ADCYAP1R1: variants seen among roughly 807,000 people sequenced by gnomAD.
ADCYAP1R1 encodes ADCYAP receptor type I.
In ADCYAP1R1, 44 loss-of-function variants were observed where a neutral mutation model predicts 67.6. The ratio of observed to expected loss-of-function variants is 0.65; its 90% confidence interval spans 0.51 to 0.84. The LOEUF is 0.84. ADCYAP1R1 is among the 40% of genes least tolerant of loss of function. ADCYAP1R1 has a pLI of 0.00. For missense variants in ADCYAP1R1, 477 were observed against 587.9 expected, an observed-to-expected ratio of 0.81 and a Z score of 1.95; for synonymous variants, 222 against 219.6, an observed-to-expected ratio of 1.01 and a Z score of -0.10.
rs372202268 is a variant in ADCYAP1R1 at position 31,106,642 on chromosome 7, A to C, written c.1365A>C (p.Gln455His). ...CCATCCTGAGCAAGAGCAGCTCCCA[A>C]ATCCGCATGTCTGGCCTCCCTGCTG... ...QLSILSKSSS[Q>H]IRMSGLPADN... The change falls in exon 16 of 16, where the codon CAA (glutamine) becomes CAC (histidine). Residue 455 changes from glutamine to histidine, a missense_variant. Transcript: ENST00000304166. 6.2e-7 allele frequency: 1 copy of C among 1,612,862 alleles called. No homozygotes were observed. Among genetic ancestry groups the C allele is most frequent in the Non-Finnish European group, 8.5e-7 (1 of 1,179,342 alleles).
At position 31,070,987 on chromosome 7, in the gene ADCYAP1R1, A is replaced by G. The variant is rs144576150; in HGVS notation, c.157+6051A>G. On this transcript the variant is annotated intron_variant, in intron 3 of 15. Transcript: ENST00000304166. ...GATCCTCATTTCATGGAACAGAAACATTGGCCATAAAGTAAATTTCGGTAA... is the reference window on the plus strand; with the variant it reads ...GATCCTCATTTCATGGAACAGAAACGTTGGCCATAAAGTAAATTTCGGTAA... 4.0e-3 allele frequency among the ~76,000 whole-genome samples: 604 copies of G among 152,306 alleles called. 4 individuals carry two copies. Among genetic ancestry groups the G allele is most frequent in the African/African-American group, 0.014 (590 of 41,556 alleles).
intron 3 of ADCYAP1R1, among the ~76,000 whole-genome samples, chr7:31,066,567 TG>T (rs1264476750): frequency 5.3e-5 from 8 of 149,850 alleles, no homozygotes; most frequent in African/African-American, 1.9e-4. Context: ...GAGTTCTTTG[TG>T]GGAAGGATTC....
chr7:31,091,978 G>GT (rs1321979376), intron 12 of ADCYAP1R1, among the ~76,000 whole-genome samples: 1 of 150,408 alleles, frequency 6.6e-6, no homozygotes, highest in African/African-American at 2.4e-5. Flanking sequence ...AGTATTTATT[G>GT]TTTTTTTAAT....
chr7:31,108,176 T>G lies in ADCYAP1R1; in HGVS notation c.*1492T>G, dbSNP rs1240150835. 1 of 152,226 alleles carries G rather than the reference T, an allele frequency of 6.6e-6. No homozygotes were observed. The highest frequency in any genetic ancestry group is 2.4e-5 in the African/African-American group (1 of 41,458). The allele number at this position is 152,226 out of a possible 1,614,324, so 9.4% of individuals were successfully genotyped here. A position where few individuals can be genotyped will look rare whatever the true frequency, so the allele number is the denominator to read the frequency against. On this transcript the variant is annotated 3_prime_UTR_variant, in exon 16 of 16. Transcript: ENST00000304166. ...TGGAGGAGGATGTTACTTCATTTTA[T>G]AAAGAGGAAGGGGCCTGGGAGACTT...
chr7:31,108,552 A>G lies in ADCYAP1R1; in HGVS notation c.*1868A>G, dbSNP rs376534431. ...CCTAGGGTTCAGGGAACTAGACTCT[A>G]TCCCAGTTGGGTTCAGACTGCTGTG... On this transcript the variant is annotated 3_prime_UTR_variant, in exon 16 of 16. Transcript: ENST00000304166. 2 of 152,208 alleles carry G rather than the reference A, an allele frequency of 1.3e-5. No homozygotes were observed. The highest frequency in any genetic ancestry group is 2.1e-4 in the South Asian group (1 of 4,832). 9.4% of individuals were successfully genotyped at this position (152,208 alleles called of 1,614,324 possible).
chr7:31,100,275 T>G (rs1796385619), intron 13 of ADCYAP1R1: 2 of 1,467,674 alleles, frequency 1.4e-6, no homozygotes, highest in African/African-American at 2.8e-5. Flanking sequence ...ATGCTGCCAC[T>G]GCCGCTGCTG....
At chr7:31,088,598 C>T (rs1205595536) in intron 12 of ADCYAP1R1, among the ~76,000 whole-genome samples, 1 of 152,178 alleles carries the variant, frequency 6.6e-6, no homozygotes, top group Non-Finnish European at 1.5e-5. Context: ...AATGGATGGA[C>T]ATTCTACCCT....
At chr7:31,075,302 T>G (rs1227077099) in intron 3 of ADCYAP1R1, among the ~76,000 whole-genome samples, 1 of 152,178 alleles carries the variant, frequency 6.6e-6, no homozygotes. Context: ...TTTGCACGTA[T>G]GAACTCATTA....
At position 31,103,276 on chromosome 7, in the gene ADCYAP1R1, C is replaced by T. The variant is rs1380039152; in HGVS notation, c.1086C>T (p.Phe362=). 9 of 1,614,020 alleles carry T rather than the reference C, an allele frequency of 5.6e-6. No homozygotes were observed. Among genetic ancestry groups the T allele is most frequent in the African/African-American group, 4.0e-5 (3 of 74,918 alleles). ...CCACCCTGCTGCTCATCCCACTATT[C>T]GGAATCCACTACACAGTATTTGCCT... ...ARSTLLLIPL[F]GIHYTVFAFS... The change falls in exon 14 of 16, where the codon TTC becomes TTT. Residue 362 remains phenylalanine (F), a synonymous_variant. Transcript: ENST00000304166.
intron 2 of ADCYAP1R1, among the ~76,000 whole-genome samples, chr7:31,064,159 T>G (rs1794632074): frequency 6.6e-6 from 1 of 152,212 alleles, no homozygotes; most frequent in Non-Finnish European, 1.5e-5. Flanking sequence ...GAGCCCCAGT[T>G]TCTCCTTCTG....
intron 3 of ADCYAP1R1, among the ~76,000 whole-genome samples, chr7:31,067,645 T>C (rs902224393): frequency 2.0e-5 from 3 of 152,180 alleles, no homozygotes; most frequent in Admixed American, 2.0e-4. Flanking sequence ...ACTGCTGGGA[T>C]GCACCACCTC....
At chr7:31,103,551 A>G (rs1003139512) in intron 14 of ADCYAP1R1, among the ~76,000 whole-genome samples, 185 bp downstream of exon 14, 2 of 152,192 alleles carry the variant, frequency 1.3e-5, no homozygotes, top group African/African-American at 2.4e-5. Context: ...GTGTCTGCCC[A>G]TCACTGCATC....
At chr7:31,055,635 C>T (rs1246978174) in intron 1 of ADCYAP1R1, among the ~76,000 whole-genome samples, 1 of 152,222 alleles carries the variant, frequency 6.6e-6, no homozygotes. Context: ...AAAAGCATTC[C>T]TGGCTCACTG....
At chr7:31,101,340 C>G (rs1425183719) in intron 13 of ADCYAP1R1, among the ~76,000 whole-genome samples, 1 of 152,152 alleles carries the variant, frequency 6.6e-6, no homozygotes, top group Non-Finnish European at 1.5e-5. Flanking sequence ...AGAGATTTGA[C>G]TTATTGGTTT....
intron 15 of ADCYAP1R1, among the ~76,000 whole-genome samples, chr7:31,105,872 A>G (rs1306570862): frequency 6.6e-6 from 1 of 152,208 alleles, no homozygotes; most frequent in Non-Finnish European, 1.5e-5. Context: ...TGTGCACTGC[A>G]CGAAGGTGCT....
chr7:31,063,400 A>G, intron 2 of ADCYAP1R1, 85 bp downstream of exon 2: 4 of 1,484,702 alleles, frequency 2.7e-6, no homozygotes, highest in South Asian at 1.1e-5. Flanking sequence ...CTGTACCCTC[A>G]GCTCAGCTCT....
chr7:31,071,998 T>TCCAG (rs57389376), intron 3 of ADCYAP1R1, among the ~76,000 whole-genome samples: 5 of 123,154 alleles, frequency 4.1e-5, no homozygotes, highest in African/African-American at 1.6e-4. Context: ...CATCCATCCA[T>TCCAG]CCAGCCACCC....
chr7:31,084,098 C>T, intron 6 of ADCYAP1R1, 43 bp from the exon 7 acceptor site: 1 of 1,565,312 alleles, frequency 6.4e-7, no homozygotes, highest in Non-Finnish European at 8.8e-7. Flanking sequence ...TCAGGGCCCT[C>T]TTAATCATTT....
chr7:31,094,616 C>A (rs1796110061), intron 13 of ADCYAP1R1, among the ~76,000 whole-genome samples: 1 of 152,000 alleles, frequency 6.6e-6, no homozygotes, highest in Admixed American at 6.6e-5. Context: ...AATAGGATAC[C>A]CTACTGAACC....
Sources: gnomAD v4.1 joint callset for allele counts (sites outside exome capture counted in the v4.1 genomes callset) on GRCh38, gnomAD v4.1.1 for gene constraint, MANE v1.5 for transcripts, NCBI Gene and HGNC (gene_info 2026-07-23, HGNC 2026-07-21) for gene names.